Variants in NPAS3 observed in about 807,000 individuals in gnomAD.
NPAS3 encodes neuronal PAS domain-containing protein 3.
Under a neutral mutation model 73.1 loss-of-function variants are expected in NPAS3, and 14 were observed. The observed-to-expected ratio is 0.19, with a 90% CI of 0.13 to 0.30. NPAS3 has a LOEUF of 0.30. Among genes scored for constraint, NPAS3 ranks in the 10% least tolerant of loss-of-function variants. The pLI is 1.00. For synonymous variants in NPAS3, 620 were observed against 541.5 expected, an observed-to-expected ratio of 1.14 and a Z score of -2.01; for missense variants, 1,096 against 1,250.0, an observed-to-expected ratio of 0.88 and a Z score of 1.86.
chr14:33,025,698 C>G (rs2039776583), intron 1 of NPAS3, among the ~76,000 whole-genome samples: 1 of 152,134 alleles, frequency 6.6e-6, no homozygotes, highest in South Asian at 2.1e-4. Context: ...CTCACGAGAT[C>G]TGATGGTTTA....
chr14:33,144,548 T>G (rs575651136), intron 2 of NPAS3, among the ~76,000 whole-genome samples: 3 of 152,276 alleles, frequency 2.0e-5, no homozygotes, highest in Non-Finnish European at 4.4e-5. Context: ...ATGTGATGAT[T>G]ATTATTTTTT....
At chr14:33,742,018 A>G (rs1044393534) in intron 7 of NPAS3, among the ~76,000 whole-genome samples, 1 of 152,122 alleles carries the variant, frequency 6.6e-6, no homozygotes, top group African/African-American at 2.4e-5. Flanking sequence ...TTAACCAACT[A>G]TTGCTCCTAA....
chr14:33,358,186 A>G (rs528901256), intron 3 of NPAS3, among the ~76,000 whole-genome samples: 1 of 152,324 alleles, frequency 6.6e-6, no homozygotes, highest in African/African-American at 2.4e-5. Flanking sequence ...GCCAAGCCAG[A>G]TGCTGCGATG....
chr14:33,498,035 A>G (rs1429082345), intron 4 of NPAS3, among the ~76,000 whole-genome samples: 2 of 152,220 alleles, frequency 1.3e-5, no homozygotes, highest in African/African-American at 2.4e-5. Flanking sequence ...GGCAAAGGAT[A>G]TGAACAGACA....
chr14:33,561,160 A>T (rs951973346), intron 5 of NPAS3, among the ~76,000 whole-genome samples: 3 of 152,164 alleles, frequency 2.0e-5, no homozygotes, highest in East Asian at 1.9e-4. Flanking sequence ...AGAGATAGAG[A>T]TAAGATTTGT....
At chr14:33,094,293 A>T (rs1435852611) in intron 2 of NPAS3, among the ~76,000 whole-genome samples, 3 of 152,130 alleles carry the variant, frequency 2.0e-5, no homozygotes, top group African/African-American at 7.2e-5. Flanking sequence ...AGAAAATGGG[A>T]ATTTAAAGAT....
chr14:33,227,305 C>A (rs2139749112), intron 3 of NPAS3, among the ~76,000 whole-genome samples: 1 of 152,322 alleles, frequency 6.6e-6, no homozygotes, highest in East Asian at 1.9e-4. Flanking sequence ...TCAGACTCAA[C>A]CTCCTTGTTG....
chr14:33,212,128 T>A (rs939505303), intron 2 of NPAS3, among the ~76,000 whole-genome samples: 5 of 152,224 alleles, frequency 3.3e-5, no homozygotes, highest in Non-Finnish European at 7.3e-5. Flanking sequence ...CTACTTTACA[T>A]AAGCGAGTGA....
chr14:33,360,922 G>A (rs2045570290), intron 3 of NPAS3, among the ~76,000 whole-genome samples: 1 of 151,978 alleles, frequency 6.6e-6, no homozygotes, highest in South Asian at 2.1e-4. Context: ...GTCAGACGTT[G>A]ACCTCATTCC....
chr14:33,113,353 G>A (rs2042957975), intron 2 of NPAS3, among the ~76,000 whole-genome samples: 1 of 152,130 alleles, frequency 6.6e-6, no homozygotes. Context: ...TTGAGCAGTG[G>A]TTTGTAGTTC....
chr14:33,115,240 C>T (rs2138996011), intron 2 of NPAS3, among the ~76,000 whole-genome samples: 1 of 152,184 alleles, frequency 6.6e-6, no homozygotes, highest in African/African-American at 2.4e-5. Context: ...TGATTTGGGA[C>T]TTTTGAGAGA....
intron 5 of NPAS3, among the ~76,000 whole-genome samples, chr14:33,589,851 G>A (rs2056998931): frequency 6.6e-6 from 1 of 152,204 alleles, no homozygotes; most frequent in Admixed American, 6.5e-5. Context: ...TGTTGAGGAA[G>A]TTTTGCCATG....
intron 1 of NPAS3, among the ~76,000 whole-genome samples, chr14:32,993,614 G>T (rs2038430712): frequency 6.6e-6 from 1 of 152,128 alleles, no homozygotes. Flanking sequence ...TAACCATTTT[G>T]TATTTTTATA....
intron 4 of NPAS3, among the ~76,000 whole-genome samples, chr14:33,409,334 G>T (rs1257468995): frequency 1.3e-5 from 2 of 151,974 alleles, no homozygotes; most frequent in Non-Finnish European, 2.9e-5. Flanking sequence ...TTCCCACTTT[G>T]GTGGCCTTTA....
chr14:33,801,857 T>TG (rs1250366920), downstream of NPAS3: 4 of 151,748 alleles, frequency 2.6e-5, no homozygotes, highest in Non-Finnish European at 4.4e-5. Flanking sequence ...GGCTGGGTTT[T>TG]GGGGGAAAAA....
intron 4 of NPAS3, among the ~76,000 whole-genome samples, chr14:33,448,809 GA>G (rs2049645588): frequency 6.6e-6 from 1 of 152,162 alleles, no homozygotes; most frequent in Admixed American, 6.5e-5. Context: ...AGATGTGAAT[GA>G]AAAATAGCAG....
intron 3 of NPAS3, among the ~76,000 whole-genome samples, chr14:33,366,339 C>A (rs1206011164): frequency 6.6e-6 from 1 of 151,562 alleles, no homozygotes; most frequent in Non-Finnish European, 1.5e-5. Context: ...AAAAAAAAAT[C>A]ATAAACAGAT....
chr14:33,277,836 G>C (rs1261021617), intron 3 of NPAS3, among the ~76,000 whole-genome samples: 2 of 152,070 alleles, frequency 1.3e-5, no homozygotes, highest in African/African-American at 4.8e-5. Flanking sequence ...GGAGGATGTT[G>C]GGAGGGTTCA....
chr14:33,541,837 T>C (rs1334650367), intron 4 of NPAS3, among the ~76,000 whole-genome samples: 4 of 152,184 alleles, frequency 2.6e-5, no homozygotes, highest in Non-Finnish European at 5.9e-5. Flanking sequence ...GTTTCCAATT[T>C]ACCAGCTAAA....
Sources: gnomAD v4.1 joint callset for allele counts (sites outside exome capture counted in the v4.1 genomes callset) on GRCh38, gnomAD v4.1.1 for gene constraint, MANE v1.5 for transcripts, NCBI Gene and HGNC (gene_info 2026-07-23, HGNC 2026-07-21) for gene names.